The following APBA1 variants were observed in gnomAD, a reference collection of about 807,000 sequenced individuals.
APBA1 encodes amyloid-beta A4 precursor protein-binding family A member 1.
In APBA1, 55 loss-of-function variants were observed where a neutral mutation model predicts 86.6. The ratio of observed to expected loss-of-function variants is 0.64; its 90% CI spans 0.51 to 0.80. APBA1 has a LOEUF of 0.80. Among genes scored for constraint, APBA1 ranks in the 30% least tolerant of loss-of-function variants. The pLI, the probability that APBA1 is intolerant of heterozygous loss-of-function variation, is 0.00. For synonymous variants in APBA1, 511 were observed against 493.9 expected, an observed-to-expected ratio of 1.03 and a Z score of -0.46; for missense variants, 1,090 against 1,183.0, an observed-to-expected ratio of 0.92 and a Z score of 1.15.
chr9:69,576,253 G>C (rs541991462), intron 1 of APBA1, among the ~76,000 whole-genome samples: 2 of 152,316 alleles, frequency 1.3e-5, no homozygotes, highest in South Asian at 4.1e-4. Context: ...CTTTTACACT[G>C]TTGGTGGGAC....
At chr9:69,467,472 A>C (rs1381257086) in intron 5 of APBA1, among the ~76,000 whole-genome samples, 1 of 152,048 alleles carries the variant, frequency 6.6e-6, no homozygotes, top group African/African-American at 2.4e-5. Flanking sequence ...TTTGCCACTG[A>C]CCTCCAGCTG....
chr9:69,544,852 C>T (rs925471902), intron 1 of APBA1, among the ~76,000 whole-genome samples: 1 of 152,138 alleles, frequency 6.6e-6, no homozygotes, highest in Non-Finnish European at 1.5e-5. Context: ...TCTCCACCCA[C>T]CCCCCTGCAC....
intron 1 of APBA1, among the ~76,000 whole-genome samples, chr9:69,611,120 C>T (rs747184213): frequency 6.6e-6 from 1 of 151,802 alleles, no homozygotes; most frequent in Non-Finnish European, 1.5e-5. Context: ...AGCTTCATGG[C>T]AACCAACAAT....
intron 1 of APBA1, among the ~76,000 whole-genome samples, chr9:69,666,178 T>C (rs184027807): frequency 2.0e-5 from 3 of 152,326 alleles, no homozygotes; most frequent in Non-Finnish European, 2.9e-5. Flanking sequence ...ATTCCCTAAG[T>C]GACTGCTCCA....
chr9:69,456,218 A>G, intron 8 of APBA1, 29 bp downstream of exon 8: 4 of 1,613,464 alleles, frequency 2.5e-6, no homozygotes, highest in African/African-American at 2.7e-5. Flanking sequence ...AACCTAACCC[A>G]AAAGGAGATC....
intron 1 of APBA1, among the ~76,000 whole-genome samples, chr9:69,518,240 T>C (rs180850005): frequency 6.6e-6 from 1 of 152,306 alleles, no homozygotes; most frequent in East Asian, 1.9e-4. Flanking sequence ...CTAGAGATGA[T>C]TTACAGTATA....
At chr9:69,643,747 C>T (rs1823337622) in intron 1 of APBA1, among the ~76,000 whole-genome samples, 1 of 152,158 alleles carries the variant, frequency 6.6e-6, no homozygotes, top group Non-Finnish European at 1.5e-5. Context: ...AAGCCCAGTG[C>T]AGGACTAGCT....
At chr9:69,501,478 C>T (rs1041630461) in intron 2 of APBA1, among the ~76,000 whole-genome samples, 3 of 151,976 alleles carry the variant, frequency 2.0e-5, no homozygotes, top group African/African-American at 7.3e-5. Context: ...TTCCCTTCTT[C>T]TCCAATATGG....
intron 8 of APBA1, 98 bp from the exon 9 acceptor site, chr9:69,452,399 C>T: frequency 2.4e-6 from 3 of 1,225,894 alleles, no homozygotes; most frequent in Non-Finnish European, 3.4e-6. Context: ...CTCCTGGAGT[C>T]TGAGGAAACC....
At chr9:69,664,708 T>C (rs763257090) in intron 1 of APBA1, among the ~76,000 whole-genome samples, 48 of 152,194 alleles carry the variant, frequency 3.2e-4, no homozygotes, top group Non-Finnish European at 4.4e-4. Context: ...CATATTCAAG[T>C]TGACATAAAG....
intron 1 of APBA1, among the ~76,000 whole-genome samples, chr9:69,663,119 G>T (rs1035536035): frequency 6.6e-6 from 1 of 152,168 alleles, no homozygotes; most frequent in African/African-American, 2.4e-5. Flanking sequence ...TGCATATTAG[G>T]GTTCACCAAT....
chr9:69,658,939 TCC>T (rs1463863327), intron 1 of APBA1, among the ~76,000 whole-genome samples: 2 of 152,020 alleles, frequency 1.3e-5, no homozygotes, highest in African/African-American at 2.4e-5. Context: ...ACTCCAGAGC[TCC>T]CCCACCCCAC....
chr9:69,590,887 G>A (rs867630671), intron 1 of APBA1, among the ~76,000 whole-genome samples: 9 of 152,290 alleles, frequency 5.9e-5, no homozygotes, highest in Middle Eastern at 3.4e-3. Context: ...TTCAGTTCTG[G>A]TTCCAAACTC....
At chr9:69,446,196 A>C (rs1369787386) in intron 10 of APBA1, among the ~76,000 whole-genome samples, 1 of 152,182 alleles carries the variant, frequency 6.6e-6, no homozygotes, top group East Asian at 1.9e-4. Context: ...GATACGACCC[A>C]CTGATGTCAG....
intron 1 of APBA1, among the ~76,000 whole-genome samples, chr9:69,611,800 C>G (rs1822594498): frequency 6.6e-6 from 1 of 152,102 alleles, no homozygotes; most frequent in South Asian, 2.1e-4. Flanking sequence ...ATGGTAAAAC[C>G]TGGCATAGTT....
chr9:69,628,580 A>G (rs1034674392), intron 1 of APBA1, among the ~76,000 whole-genome samples: 7 of 152,346 alleles, frequency 4.6e-5, no homozygotes, highest in Admixed American at 2.6e-4. Context: ...CCTGAGTGCC[A>G]TGGCAACCAT....
chr9:69,672,540 C>CGCGGCCCGCGAGCCCGCG (rs1440494597), upstream of APBA1, among the ~76,000 whole-genome samples: 2 of 147,208 alleles, frequency 1.4e-5, no homozygotes, highest in Admixed American at 6.7e-5. Flanking sequence ...CGCGTGCGCG[C>CGCGGCCCGCGAGCCCGCG]GCGGCCCGCG....
At chr9:69,447,723 A>G (rs1297006508) in intron 10 of APBA1, among the ~76,000 whole-genome samples, 2 of 152,144 alleles carry the variant, frequency 1.3e-5, no homozygotes, top group South Asian at 4.1e-4. Context: ...AGCTTGTACA[A>G]TGGGTACAAA....
At chr9:69,616,624 G>T (rs1010678723) in intron 1 of APBA1, among the ~76,000 whole-genome samples, 38 of 152,130 alleles carry the variant, frequency 2.5e-4, no homozygotes, top group African/African-American at 8.9e-4. Flanking sequence ...ACTTAACAAT[G>T]AACTCCAGGT....
Sources: allele counts gnomAD v4.1 joint callset (sites outside exome capture counted in the v4.1 genomes callset), GRCh38; gene constraint gnomAD v4.1.1; transcripts MANE v1.5; gene names NCBI Gene and HGNC (gene_info 2026-07-23, HGNC 2026-07-21).